The following SDHC variants were observed in gnomAD, a reference collection of about 807,000 sequenced individuals.
The protein encoded by SDHC is succinate dehydrogenase cytochrome b560 subunit, mitochondrial.
SDHC carries 11 observed loss-of-function variants against 22.6 expected under a neutral mutation model. That is an observed-to-expected ratio of 0.49 (90% CI 0.31 to 0.81). The LOEUF (loss-of-function observed/expected upper bound fraction) is 0.81, where lower values mean the gene tolerates loss of function less well. Ranked by LOEUF, SDHC falls within the 30% of genes least tolerant of loss-of-function variation. SDHC has a pLI of 0.05. For missense variants in SDHC, 160 were observed against 212.0 expected (o/e 0.75, Z 1.52); for synonymous variants, 80 against 77.8 (o/e 1.03, Z -0.15).
At chr1:161,330,132 C>G (rs1671221591) in intron 3 of SDHC, among the ~76,000 whole-genome samples, 1 of 152,126 alleles carries the variant, frequency 6.6e-6, no homozygotes, top group South Asian at 2.1e-4. Flanking sequence ...ACCCTCTAGC[C>G]CTCAAAGTTT....
intron 2 of SDHC, among the ~76,000 whole-genome samples, chr1:161,325,966 G>A (rs1271994569): frequency 2.6e-5 from 4 of 152,152 alleles, no homozygotes; most frequent in South Asian, 2.1e-4. Flanking sequence ...TTGGGAGGCC[G>A]AGGCAGGCAG....
In SDHC at chr1:161,340,338, T is replaced by TTTTTG. The variant is rs531300339; in HGVS notation, c.180-236_180-232dup. 1.2e-3 allele frequency among the ~76,000 whole-genome samples: 170 copies of TTTTTG among 146,296 alleles called. 1 individual carries two copies. The highest frequency in any genetic ancestry group is 2.3e-3 in the Non-Finnish European group (156 of 67,086). ...AGACAGGAATGCAAAAGCTGGTGAT[T>TTTTTG]TTTTGTTTTGTTTTGTTTTGTTTTA... On this transcript the variant is annotated intron_variant, in intron 3 of 5. Coordinates refer to ENST00000367975, the MANE Select transcript of SDHC (RefSeq NM_003001.5).
intron 4 of SDHC, among the ~76,000 whole-genome samples, chr1:161,342,223 A>G (rs745364684): frequency 4.6e-5 from 7 of 152,214 alleles, no homozygotes; most frequent in Non-Finnish European, 8.8e-5. Context: ...TTTGCTCTCT[A>G]TTAGTCTCCT....
intron 4 of SDHC, 58 bp downstream of exon 4, chr1:161,340,713 C>G (rs1426406491): frequency 7.3e-7 from 1 of 1,373,418 alleles, no homozygotes; most frequent in African/African-American, 1.4e-5. Context: ...TTGGCTGTTT[C>G]ATTGGCCCTA....
At chr1:161,318,696 A>AT (rs982935450) in intron 1 of SDHC, among the ~76,000 whole-genome samples, 6 of 152,032 alleles carry the variant, frequency 3.9e-5, no homozygotes, top group Middle Eastern at 3.4e-3. Context: ...TGTTATTTTT[A>AT]TTTTTTTTAA....
rs1571900683 is a variant in SDHC at position 161,363,099 on chromosome 1, T to C, written c.*666T>C. The C allele has an allele frequency of 4.3e-5, 10 of 234,884 alleles. No homozygotes were observed. The East Asian group carries it at 6.0e-4, about 14-fold the overall frequency. The allele number at this position is 234,884 out of a possible 1,614,324, so 14.5% of individuals were successfully genotyped here. On this transcript the variant is annotated 3_prime_UTR_variant, in exon 6 of 6. Coordinates refer to ENST00000367975, the MANE Select transcript of SDHC (RefSeq NM_003001.5). ...CATATTAATGGTTATTTCTTTTTCT[T>C]GGATTTCCAGAAAAGCCTCTTAATT... is the stretch of plus-strand genomic sequence containing the variant.
At position 161,314,675 on chromosome 1, in the gene SDHC, C is replaced by T; in HGVS notation, c.20+250C>T. 5.1e-6 allele frequency: 3 copies of T among 585,618 alleles called. No homozygotes were observed. In the East Asian group the frequency reaches 8.4e-5, roughly 16 times the overall value. The allele number at this position is 585,618 out of a possible 1,614,324, so 36.3% of individuals were successfully genotyped here. ...CCTCGGCTCTCGCCCCTTCTGTTTT[C>T]CCCACCTCCTCTAGTACTTCTAACG... is the stretch of plus-strand genomic sequence containing the variant. On this transcript the variant is annotated intron_variant, in intron 1 of 5. Coordinates refer to ENST00000367975, the MANE Select transcript of SDHC (RefSeq NM_003001.5).
intron 4 of SDHC, among the ~76,000 whole-genome samples, chr1:161,342,763 G>T (rs952100743): frequency 6.6e-6 from 1 of 152,110 alleles, no homozygotes; most frequent in Non-Finnish European, 1.5e-5. Context: ...CCAAAGTGCT[G>T]GGGTTACAGG....
chr1:161,353,626 AGTTT>A (rs1672166096), intron 4 of SDHC, among the ~76,000 whole-genome samples: 1 of 152,148 alleles, frequency 6.6e-6, no homozygotes, highest in Non-Finnish European at 1.5e-5. Context: ...TTGTTTTATT[AGTTT>A]GTTAGATCCA....
At chr1:161,323,497 T>G in intron 1 of SDHC, 117 bp from the exon 2 acceptor site, 1 of 772,854 alleles carries the variant, frequency 1.3e-6, no homozygotes, top group Non-Finnish European at 2.3e-6. Flanking sequence ...ACACTGATAC[T>G]GTCATTGTTT....
rs1274743464 is a variant in SDHC at position 161,339,681 on chromosome 1, T to G, written c.180-913T>G. The G allele has an allele frequency of 7.5e-6, 3 of 397,934 alleles. No homozygotes were observed. In the African/African-American group the frequency reaches 7.6e-5, roughly 10 times the overall value. The allele number at this position is 397,934 out of a possible 1,614,324, so 24.7% of individuals were successfully genotyped here. ...ACAGGTGTTTTTTTTTTTTTTTTTTTTTTTTTTTTGGAGACAGAGTTTCAC... is the reference window on the plus strand; with the variant it reads ...ACAGGTGTTTTTTTTTTTTTTTTTTGTTTTTTTTTGGAGACAGAGTTTCAC... On this transcript the variant is annotated intron_variant, in intron 3 of 5. Coordinates refer to ENST00000367975, the MANE Select transcript of SDHC (RefSeq NM_003001.5).
chr1:161,345,368 C>T (rs1181925826), intron 4 of SDHC, among the ~76,000 whole-genome samples: 3 of 152,220 alleles, frequency 2.0e-5, no homozygotes, highest in Non-Finnish European at 4.4e-5. Context: ...AGCTTCCTTA[C>T]ATCTGTTTTA....
intron 5 of SDHC, among the ~76,000 whole-genome samples, chr1:161,359,188 C>T (rs1208328929): frequency 1.3e-5 from 2 of 151,540 alleles, no homozygotes; most frequent in African/African-American, 4.8e-5. Context: ...TCTGTATTTT[C>T]ATTACTTCTG....
chr1:161,319,179 C>T (rs138060929), intron 1 of SDHC, among the ~76,000 whole-genome samples: 6,204 of 152,134 alleles, frequency 0.041, 463 homozygotes, highest in African/African-American at 0.14. Flanking sequence ...TGAGATCGTG[C>T]CATTGCACTC....
intron 1 of SDHC, among the ~76,000 whole-genome samples, chr1:161,316,684 C>T (rs973248975): frequency 4.6e-5 from 7 of 152,122 alleles, no homozygotes; most frequent in Non-Finnish European, 8.8e-5. Context: ...AGGACACCTC[C>T]ATTTCTCATA....
chr1:161,357,325 G>A (rs1672322226), intron 5 of SDHC, among the ~76,000 whole-genome samples: 1 of 152,152 alleles, frequency 6.6e-6, no homozygotes, highest in Non-Finnish European at 1.5e-5. Flanking sequence ...TCCTGCTGGT[G>A]GTGTAGCTGA....
At chr1:161,316,008 A>G in intron 1 of SDHC, among the ~76,000 whole-genome samples, 1 of 152,226 alleles carries the variant, frequency 6.6e-6, no homozygotes, top group East Asian at 1.9e-4. Context: ...ATACGTATAC[A>G]CATAAACATC....
At chr1:161,342,676 C>T (rs1671763547) in intron 4 of SDHC, among the ~76,000 whole-genome samples, 1 of 152,084 alleles carries the variant, frequency 6.6e-6, no homozygotes, top group Admixed American at 6.6e-5. Context: ...ACCACCATTC[C>T]CTGCTAATTT....
In SDHC at chr1:161,314,392, G is replaced by T; in HGVS notation, c.-14G>T. 1 of 1,614,076 alleles carries T rather than the reference G, an allele frequency of 6.2e-7. No homozygotes were observed. Among genetic ancestry groups the T allele is most frequent in the Non-Finnish European group, 8.5e-7 (1 of 1,180,016 alleles). ...GGCCGCCTGGCGTCACTTCCGTCCA[G>T]ACCGGAACCCAAGATGGCTGCGCTG... On this transcript the variant is annotated 5_prime_UTR_variant, in exon 1 of 6. Transcript: ENST00000367975.
Sources: gnomAD v4.1 joint callset for allele counts (sites outside exome capture counted in the v4.1 genomes callset) on GRCh38, gnomAD v4.1.1 for gene constraint, MANE v1.5 for transcripts, NCBI Gene and HGNC (gene_info 2026-07-23, HGNC 2026-07-21) for gene names.